CPT1A: variants seen among roughly 807,000 people sequenced by gnomAD.
The protein encoded by CPT1A is carnitine O-palmitoyltransferase 1, liver isoform.
In CPT1A, 64 loss-of-function variants were observed where a neutral mutation model predicts 100.8. The observed-to-expected ratio is 0.63, with a 90% CI of 0.52 to 0.78. CPT1A has a LOEUF of 0.78. Ranked by LOEUF, CPT1A falls within the 30% of genes least tolerant of loss-of-function variation. The probability of loss-of-function intolerance (pLI) is 0.00; values close to 1 mark genes in which losing one functional copy is unlikely to be tolerated. For synonymous variants in CPT1A, 363 were observed against 396.0 expected (o/e 0.92, Z 0.99); for missense variants, 802 against 1,034.1 (o/e 0.78, Z 3.08).
At chr11:68,801,494 G>A (rs1334394174) in intron 5 of CPT1A, among the ~76,000 whole-genome samples, 1 of 152,108 alleles carries the variant, frequency 6.6e-6, no homozygotes, top group Non-Finnish European at 1.5e-5. Flanking sequence ...GCCGGGTGTG[G>A]TGGTGCACAT....
intron 15 of CPT1A, among the ~76,000 whole-genome samples, chr11:68,761,897 C>G (rs887456423): frequency 6.6e-6 from 1 of 151,810 alleles, no homozygotes; most frequent in African/African-American, 2.4e-5. Flanking sequence ...AGGCGTGAGT[C>G]ACCGCGCCCG....
chr11:68,754,756 G>GTGA, downstream of CPT1A: 1 of 776,332 alleles, frequency 1.3e-6, no homozygotes, highest in Non-Finnish European at 2.4e-6. Flanking sequence ...CATGAACTTG[G>GTGA]TGATGTCCAT....
Position 68,759,605 on chromosome 11 carries a change from A to G in CPT1A, c.2199T>C (p.Asn733=). 6.2e-7 allele frequency: 1 copy of G among 1,613,836 alleles called. No homozygotes were observed. Among genetic ancestry groups the G allele is most frequent in the Non-Finnish European group, 8.5e-7 (1 of 1,179,742 alleles). ...SYILVGENLI[N]FHISSKFSCP... is the part of the protein sequence containing the mutation. ...AAGAGAACTTGGAAGAAATGTGGAA[A>G]TTGATGAGGTTCTCTCCCACAAGGA... The change falls in exon 18 of 19, where the codon AAT becomes AAC. Residue 733 remains asparagine, a synonymous_variant. Coordinates refer to ENST00000265641, the MANE Select transcript of CPT1A (RefSeq NM_001876.4).
At position 68,760,374 on chromosome 11, in the gene CPT1A, C is replaced by T. The variant is rs779438592; in HGVS notation, c.2029-36G>A. On this transcript the variant is annotated intron_variant, in intron 16 of 18. Transcript: ENST00000265641. ...AAACAGGGAAATGTTTCCTAATCCCCTCCTCTACCGTCCCTCAGGAGTCGC... is the reference window on the plus strand; with the variant it reads ...AAACAGGGAAATGTTTCCTAATCCCTTCCTCTACCGTCCCTCAGGAGTCGC... 2.9e-5 allele frequency: 45 copies of T among 1,526,132 alleles called. No homozygotes were observed. In the South Asian group the frequency reaches 4.9e-4, roughly 17 times the overall value. The allele number at this position is 1,526,132 out of a possible 1,614,324, so 94.5% of individuals were successfully genotyped here.
intron 1 of CPT1A, among the ~76,000 whole-genome samples, chr11:68,827,895 T>G (rs1856771857): frequency 6.6e-6 from 1 of 152,186 alleles, no homozygotes; most frequent in Non-Finnish European, 1.5e-5. Context: ...GCCCTGGCCC[T>G]GCTGTCCTGC....
chr11:68,822,159 C>T (rs1392417499), intron 1 of CPT1A, among the ~76,000 whole-genome samples: 1 of 152,082 alleles, frequency 6.6e-6, no homozygotes, highest in African/African-American at 2.4e-5. Flanking sequence ...AGAAAGACTG[C>T]TTTAGGCCAG....
chr11:68,788,644 A>AAAG (rs1382928768), intron 9 of CPT1A, among the ~76,000 whole-genome samples: 1 of 149,694 alleles, frequency 6.7e-6, no homozygotes, highest in Non-Finnish European at 1.5e-5. Context: ...AAAAAAAAAA[A>AAAG]AAAAAAAAAA....
At chr11:68,773,519 G>A in intron 13 of CPT1A, 90 bp from the exon 14 acceptor site, 1 of 1,594,496 alleles carries the variant, frequency 6.3e-7, no homozygotes, top group African/African-American at 1.3e-5. Flanking sequence ...GGTTTTTAGT[G>A]CAGCTATAAA....
At chr11:68,813,153 G>A (rs749578728) in intron 2 of CPT1A, among the ~76,000 whole-genome samples, 5 of 151,946 alleles carry the variant, frequency 3.3e-5, no homozygotes, top group Non-Finnish European at 5.9e-5. Flanking sequence ...TCACTCTTGT[G>A]TATGTTTGAC....
chr11:68,842,462 G>C (rs1044383931), upstream of CPT1A, among the ~76,000 whole-genome samples: 1 of 151,992 alleles, frequency 6.6e-6, no homozygotes, highest in African/African-American at 2.4e-5. Context: ...GCGGGGAAGT[G>C]ATAGATCGGA....
chr11:68,786,934 C>T (rs903596617), intron 9 of CPT1A, among the ~76,000 whole-genome samples: 6 of 152,168 alleles, frequency 3.9e-5, no homozygotes, highest in African/African-American at 1.4e-4. Context: ...GCATTTGAAG[C>T]CTTCGCTTTA....
intron 1 of CPT1A, among the ~76,000 whole-genome samples, chr11:68,824,075 C>T (rs909080981): frequency 6.6e-6 from 1 of 151,766 alleles, no homozygotes; most frequent in African/African-American, 2.4e-5. Context: ...GGTGAAACCC[C>T]ATCTCTACTA....
rs1028003272 is a variant in CPT1A, at chr11:68,758,741, C to G, written c.2235+828G>C. Among the ~76,000 whole-genome samples the G allele has an allele frequency of 4.6e-5, 7 of 151,822 alleles. No homozygotes were observed. In the South Asian group the frequency reaches 1.0e-3, roughly 23 times the overall value. On this transcript the variant is annotated intron_variant, in intron 18 of 18. Coordinates refer to ENST00000265641, the MANE Select transcript of CPT1A (RefSeq NM_001876.4). ...TCAAGCGATTCTCCTACCTCAGCCT[C>G]CTGAGTAGCTGGGATTACAGGCGTG...
At chr11:68,779,556 G>C (rs1304062902) in intron 12 of CPT1A, among the ~76,000 whole-genome samples, 1 of 151,202 alleles carries the variant, frequency 6.6e-6, no homozygotes, top group Non-Finnish European at 1.5e-5. Flanking sequence ...AGCACTTTGG[G>C]AGGCCCAGGC....
At chr11:68,815,224 A>T in intron 2 of CPT1A, 110 bp downstream of exon 2, 1 of 1,076,402 alleles carries the variant, frequency 9.3e-7, no homozygotes, top group Non-Finnish European at 1.4e-6. Flanking sequence ...GGAAACAGGT[A>T]AGTGATATGC....
Position 68,761,650 on chromosome 11 carries a change from T to C in CPT1A, c.1913A>G (p.Glu638Gly). ...QRLKLFKLAS[E>G]KHQHMYRLAM... ...GAGGCGATACATATGCTGATGCTTC[T>C]CAGACGCCAACTTGAACAACTTCAG... is the stretch of plus-strand genomic sequence containing the variant. The change falls in exon 16 of 19, where the codon GAG (glutamate) becomes GGG (glycine). Residue 638 changes from glutamate to glycine, a missense_variant. By Grantham distance (98) the Glu-to-Gly change is moderately conservative. Coordinates refer to ENST00000265641, the MANE Select transcript of CPT1A (RefSeq NM_001876.4). 6.2e-7 allele frequency: 1 copy of C among 1,614,198 alleles called. No individual in the cohort carries two copies. Among genetic ancestry groups the C allele is most frequent in the Non-Finnish European group, 8.5e-7 (1 of 1,180,038 alleles).
chr11:68,759,252 C>T (rs1352105450), intron 18 of CPT1A, among the ~76,000 whole-genome samples: 3 of 151,742 alleles, frequency 2.0e-5, no homozygotes, highest in African/African-American at 4.8e-5. Context: ...AAAAATTAGC[C>T]GGGGTAGTGG....
intron 1 of CPT1A, among the ~76,000 whole-genome samples, chr11:68,840,776 G>T (rs2154003280): frequency 6.6e-6 from 1 of 152,354 alleles, no homozygotes; most frequent in East Asian, 1.9e-4. Context: ...CCGGCTGTTG[G>T]CTGGCCGCGG....
intron 1 of CPT1A, among the ~76,000 whole-genome samples, chr11:68,832,300 A>T (rs1856899547): frequency 6.6e-6 from 1 of 152,238 alleles, no homozygotes; most frequent in South Asian, 2.1e-4. Flanking sequence ...AATACAAAAA[A>T]TTAGCTGGGC....
Sources: gnomAD v4.1 joint callset for allele counts (sites outside exome capture counted in the v4.1 genomes callset) on GRCh38, gnomAD v4.1.1 for gene constraint, MANE v1.5 for transcripts, NCBI Gene and HGNC (gene_info 2026-07-23, HGNC 2026-07-21) for gene names.